COL4A1: variants seen among roughly 807,000 people sequenced by gnomAD.
The protein encoded by COL4A1 is collagen alpha-1(IV) chain.
Under a neutral mutation model 216.6 loss-of-function variants are expected in COL4A1, and 40 were observed. The ratio of observed to expected loss-of-function variants is 0.18; its 90% CI spans 0.14 to 0.24. COL4A1 has a LOEUF of 0.24. COL4A1 is among the 10% of genes least tolerant of loss of function. COL4A1 has a pLI of 1.00. For missense variants in COL4A1, 1,628 were observed against 2,196.8 expected (o/e 0.74, Z 5.18); for synonymous variants, 839 against 810.7 (o/e 1.03, Z -0.59).
At chr13:110,230,578 C>T (rs945958730) in intron 2 of COL4A1, among the ~76,000 whole-genome samples, 8 of 152,014 alleles carry the variant, frequency 5.3e-5, no homozygotes, top group Admixed American at 2.6e-4. Context: ...TCTAAGACCA[C>T]GGGGAGCCTC....
chr13:110,219,159 G>A (rs1321897704), intron 2 of COL4A1, among the ~76,000 whole-genome samples: 1 of 152,208 alleles, frequency 6.6e-6, no homozygotes, highest in Non-Finnish European at 1.5e-5. Flanking sequence ...TGACGTCAGG[G>A]CAGGAATACT....
chr13:110,253,532 A>C (rs56990535), intron 1 of COL4A1, among the ~76,000 whole-genome samples: 85 of 137,774 alleles, frequency 6.2e-4, no homozygotes, highest in African/African-American at 1.0e-3. Flanking sequence ...TATAATTATA[A>C]GTATATATGT....
At chr13:110,246,883 C>T (rs1881838562) in intron 1 of COL4A1, among the ~76,000 whole-genome samples, 1 of 152,090 alleles carries the variant, frequency 6.6e-6, no homozygotes, top group Non-Finnish European at 1.5e-5. Flanking sequence ...CACACTTAAC[C>T]CGAGTGGTCA....
In COL4A1 at chr13:110,150,276, C is replaced by T. The variant is rs1039775459; in HGVS notation, c.*87G>A. 5.5e-6 allele frequency: 7 copies of T among 1,266,258 alleles called. No homozygotes were observed. Among genetic ancestry groups the T allele is most frequent in the Non-Finnish European group, 7.9e-6 (7 of 889,716 alleles). The allele number at this position is 1,266,258 out of a possible 1,614,324, so 78.4% of individuals were successfully genotyped here. A position where few individuals can be genotyped will look rare whatever the true frequency, so the allele number is the denominator to read the frequency against. Reference sequence around the variant, plus strand: ...GGTTTTCATATTGGACAGTGAGGTACACAGGATATATTTCTAGGGTTCGTT... The same window carrying T: ...GGTTTTCATATTGGACAGTGAGGTATACAGGATATATTTCTAGGGTTCGTT... On this transcript the variant is annotated 3_prime_UTR_variant, in exon 52 of 52. Coordinates refer to ENST00000375820, the MANE Select transcript of COL4A1 (RefSeq NM_001845.6).
At chr13:110,180,370 T>C (rs1013484858) in intron 29 of COL4A1, among the ~76,000 whole-genome samples, 13 of 152,210 alleles carry the variant, frequency 8.5e-5, no homozygotes, top group African/African-American at 2.9e-4. Flanking sequence ...AGGTTTCTCT[T>C]CTGCCTCAGC....
At chr13:110,257,275 C>A (rs187533005) in intron 1 of COL4A1, among the ~76,000 whole-genome samples, 1 of 152,164 alleles carries the variant, frequency 6.6e-6, no homozygotes, top group East Asian at 1.9e-4. Context: ...AGAGATCCTG[C>A]GGCAAACCTT....
At chr13:110,156,685 A>C (rs575783960) in intron 49 of COL4A1, among the ~76,000 whole-genome samples, 2 of 152,370 alleles carry the variant, frequency 1.3e-5, no homozygotes, top group South Asian at 4.1e-4. Flanking sequence ...TTAAAAAAAA[A>C]TTAAACGTCA....
chr13:110,208,815 A>C (rs1337278094), intron 12 of COL4A1, 34 bp downstream of exon 12: 2 of 1,612,634 alleles, frequency 1.2e-6, no homozygotes, highest in Non-Finnish European at 1.7e-6. Context: ...TGTGGTTTTC[A>C]ACATGAAAGC....
intron 2 of COL4A1, among the ~76,000 whole-genome samples, chr13:110,219,506 A>C (rs1349169287): frequency 6.6e-6 from 1 of 152,034 alleles, no homozygotes; most frequent in Non-Finnish European, 1.5e-5. Flanking sequence ...CCAGACGTCT[A>C]GCTTGAGACA....
chr13:110,213,878 G>T (rs1209372739), intron 3 of COL4A1, 48 bp downstream of exon 3: 1 of 1,613,182 alleles, frequency 6.2e-7, no homozygotes, highest in Admixed American at 1.7e-5. Flanking sequence ...TCTCAAGAAT[G>T]CGGGCAATCT....
chr13:110,295,448 A>C (rs898755063), intron 1 of COL4A1, among the ~76,000 whole-genome samples: 8 of 143,226 alleles, frequency 5.6e-5, no homozygotes, highest in Non-Finnish European at 9.1e-5. Context: ...TTTTTTTGAC[A>C]AAGTGTTGCT....
At chr13:110,291,443 T>C (rs1459531607) in intron 1 of COL4A1, among the ~76,000 whole-genome samples, 2 of 152,122 alleles carry the variant, frequency 1.3e-5, no homozygotes, top group Non-Finnish European at 2.9e-5. Flanking sequence ...GGAGCGCCAT[T>C]AGTAATTTCA....
intron 2 of COL4A1, among the ~76,000 whole-genome samples, chr13:110,237,769 G>A (rs1025413887): frequency 5.8e-4 from 88 of 152,230 alleles, no homozygotes; most frequent in African/African-American, 2.0e-3. Flanking sequence ...GAGATGCAGA[G>A]AGACAGGTTT....
chr13:110,162,484 C>T (rs562718237), intron 47 of COL4A1, 42 bp from the exon 48 acceptor site: 21 of 1,384,490 alleles, frequency 1.5e-5, no homozygotes, highest in East Asian at 9.1e-5. Context: ...ATTACAAACA[C>T]GCTCCCCTAA....
rs572018640 is a variant in COL4A1, at chr13:110,239,570, T to C, written c.144+3105A>G. Among the ~76,000 whole-genome samples the C allele has an allele frequency of 2.6e-5, 4 of 152,344 alleles. No homozygotes were observed. In the East Asian group the frequency reaches 5.8e-4, roughly 22 times the overall value. On this transcript the variant is annotated intron_variant, in intron 2 of 51. Coordinates refer to ENST00000375820, the MANE Select transcript of COL4A1 (RefSeq NM_001845.6). ...AATATCAAAATAATTTCTATGAGGA[T>C]AGAAGGCGTTCAGTTGCAGCTCATA...
chr13:110,170,131 A>AAAGAAGGAAGGAAGGT (rs1367705392), intron 42 of COL4A1, among the ~76,000 whole-genome samples: 1 of 24,174 alleles, frequency 4.1e-5, no homozygotes, highest in Non-Finnish European at 1.2e-4. Flanking sequence ...GGAAGGAAGG[A>AAAGAAGGAAGGAAGGT]AGGAAGGAAG....
At chr13:110,215,560 CA>C (rs869160688) in intron 2 of COL4A1, among the ~76,000 whole-genome samples, 120 of 65,612 alleles carry the variant, frequency 1.8e-3, no homozygotes, top group East Asian at 0.01. Flanking sequence ...GACTCTGTCT[CA>C]AAAAAAAAAA....
chr13:110,209,770 G>A (rs1270733933), intron 10 of COL4A1: 2 of 778,168 alleles, frequency 2.6e-6, no homozygotes, highest in African/African-American at 3.4e-5. Flanking sequence ...TCAGTTTATG[G>A]TACTATCATC....
chr13:110,203,316 A>G (rs1879330343), intron 18 of COL4A1, among the ~76,000 whole-genome samples: 1 of 152,260 alleles, frequency 6.6e-6, no homozygotes, highest in African/African-American at 2.4e-5. Flanking sequence ...AAATATAATA[A>G]AAATAATAAA....
Sources: gnomAD v4.1 joint callset for allele counts (sites outside exome capture counted in the v4.1 genomes callset) on GRCh38, gnomAD v4.1.1 for gene constraint, MANE v1.5 for transcripts, NCBI Gene and HGNC (gene_info 2026-07-23, HGNC 2026-07-21) for gene names.